The following MAP3K6 variants were observed in gnomAD, a reference collection of about 807,000 sequenced individuals.
The protein encoded by MAP3K6 is apoptosis signal-regulating kinase 2.
A neutral mutation model predicts 147.1 loss-of-function variants in MAP3K6; 105 were observed. The observed-to-expected ratio is 0.71, with a 90% CI of 0.61 to 0.84. The LOEUF (loss-of-function observed/expected upper bound fraction) is 0.84, where lower values mean the gene tolerates loss of function less well. Among genes scored for constraint, MAP3K6 ranks in the 40% least tolerant of loss-of-function variants. The probability of loss-of-function intolerance (pLI) is 0.00; values close to 1 mark genes in which losing one functional copy is unlikely to be tolerated. For missense variants in MAP3K6, 1,569 were observed against 1,715.0 expected (o/e 0.91, Z 1.50); for synonymous variants, 695 against 732.4 (o/e 0.95, Z 0.82).
rs200374785 is a variant in MAP3K6 at position 27,361,237 on chromosome 1, G to A, written c.1752C>T (p.Asp584=). The A allele has an allele frequency of 6.8e-6, 11 of 1,613,416 alleles. No individual in the cohort carries two copies. The Admixed American group carries it at 1.3e-4, about 20-fold the overall frequency. Residue 584 remains aspartate (D), a synonymous_variant, in exon 13 of 29, where the codon GAC becomes GAT. Coordinates refer to ENST00000357582, the MANE Select transcript of MAP3K6 (RefSeq NM_004672.5). Reference sequence around the variant, plus strand: ...GTGCATAGAGGAAGCAGCAGCGCTCGTCGCGCTTTGAGGCGCTGGGAAGGG... The same window carrying A: ...GTGCATAGAGGAAGCAGCAGCGCTCATCGCGCTTTGAGGCGCTGGGAAGGG... ...SICGVSASKR[D]ERCCFLYALP... is the part of the protein sequence containing the mutation.
intron 9 of MAP3K6, 63 bp downstream of exon 9, chr1:27,362,028 A>G: frequency 6.4e-7 from 1 of 1,555,782 alleles, no homozygotes; most frequent in Non-Finnish European, 8.7e-7. Flanking sequence ...TAGCATGCCA[A>G]TGGACATAGG....
At chr1:27,361,066 G>C (rs2015743670) in intron 13 of MAP3K6, 58 bp from the exon 14 acceptor site, 1 of 1,536,780 alleles carries the variant, frequency 6.5e-7, no homozygotes, top group Admixed American at 2.0e-5. Context: ...ACCTAAGCCG[G>C]AGCATCCAAC....
chr1:27,359,785 A>C lies in MAP3K6; in HGVS notation c.2319+73T>G. On this transcript the variant is annotated intron_variant, in intron 17 of 28. Coordinates refer to ENST00000357582, the MANE Select transcript of MAP3K6 (RefSeq NM_004672.5). The surrounding 1 kb of genome is among the most constrained non-coding windows in gnomAD (Gnocchi z 4.4). ...GTCTGCTCACTTAATCTAAACTGCC[A>C]GCCTGCGTCTGGGACCATGTTTCCT... 1 of 1,598,880 alleles carries C rather than the reference A, an allele frequency of 6.3e-7. No individual in the cohort carries two copies. The highest frequency in any genetic ancestry group is 1.1e-5 in the South Asian group (1 of 89,768).
Position 27,359,783 on chromosome 1 carries a change from C to A in MAP3K6, c.2319+75G>T. 1 of 1,596,188 alleles carries A rather than the reference C, an allele frequency of 6.3e-7. No individual in the cohort carries two copies. Among genetic ancestry groups the A allele is most frequent in the Non-Finnish European group, 8.6e-7 (1 of 1,167,762 alleles). ...AGGTCTGCTCACTTAATCTAAACTG[C>A]CAGCCTGCGTCTGGGACCATGTTTC... On this transcript the variant is annotated intron_variant, in intron 17 of 28. Coordinates refer to ENST00000357582, the MANE Select transcript of MAP3K6 (RefSeq NM_004672.5). The surrounding 1 kb of genome is among the most constrained non-coding windows in gnomAD (Gnocchi z 4.4).
Position 27,357,130 on chromosome 1 carries a change from G to A in MAP3K6, c.3259-16C>T, listed in dbSNP as rs2015558004. 1.2e-6 allele frequency: 2 copies of A among 1,606,886 alleles called. No individual in the cohort carries two copies. Among genetic ancestry groups the A allele is most frequent in the Non-Finnish European group, 1.7e-6 (2 of 1,173,788 alleles). On this transcript the variant is annotated splice_polypyrimidine_tract_variant and intron_variant, in intron 23 of 28. Transcript: ENST00000357582. ...TCTGCTTCACCTGCAGGGGGAGGGA[G>A]GCGCCGCTGAGACAGCTGAGCCTCA...
chr1:27,364,083 C>T lies in MAP3K6; in HGVS notation c.698G>A (p.Gly233Asp), dbSNP rs746751180. Residue 233 changes from glycine (G) to aspartate (D), a missense_variant and splice_region_variant, in exon 5 of 29, where the codon GGC becomes GAC. Transcript: ENST00000357582. The surrounding 1 kb of genome is among the most constrained non-coding windows in gnomAD (Gnocchi z 4.4). ...LLEATPTDSCGYFRETIRRDI... is the reference protein window; with the variant it reads ...LLEATPTDSCDYFRETIRRDI... Reference sequence around the variant, plus strand: ...CCGCCGAATGGTCTCCCGGAAATAGCCACTGATGCCCAGGGTAGGGGAGGC... The same window carrying T: ...CCGCCGAATGGTCTCCCGGAAATAGTCACTGATGCCCAGGGTAGGGGAGGC... The T allele has an allele frequency of 4.3e-6, 7 of 1,611,448 alleles. No homozygotes were observed. The highest frequency in any genetic ancestry group is 5.9e-6 in the Non-Finnish European group (7 of 1,179,080).
At chr1:27,356,856 G>C in intron 24 of MAP3K6, 107 bp from the exon 25 acceptor site, 1 of 1,451,550 alleles carries the variant, frequency 6.9e-7, no homozygotes, top group South Asian at 1.3e-5. Context: ...GCCCCAGGCG[G>C]TGCCGGTATG....
chr1:27,358,386 C>T lies in MAP3K6; in HGVS notation c.2776+33G>A. The T allele has an allele frequency of 6.3e-7, 1 of 1,585,906 alleles. No homozygotes were observed. Among genetic ancestry groups the T allele is most frequent in the South Asian group, 1.1e-5 (1 of 87,108 alleles). ...CTCACAGCTCCACAACTCCTCTGCC[C>T]TCCACTGTGCCCATCCCGCCACCCG... On this transcript the variant is annotated intron_variant, in intron 20 of 28. Transcript: ENST00000357582. This position sits in a 1 kb window ranked among gnomAD's most constrained non-coding sequence, Gnocchi z 6.2.
At position 27,364,589 on chromosome 1, in the gene MAP3K6, G is replaced by A. The variant is rs116974564; in HGVS notation, c.504+72C>T. 2,820 of 1,606,604 alleles carry A rather than the reference G, an allele frequency of 1.8e-3. 61 individuals carry two copies. In the East Asian group the frequency reaches 0.033, roughly 19 times the overall value. On this transcript the variant is annotated intron_variant, in intron 3 of 28. Coordinates refer to ENST00000357582, the MANE Select transcript of MAP3K6 (RefSeq NM_004672.5). This position sits in a 1 kb window ranked among gnomAD's most constrained non-coding sequence, Gnocchi z 4.4. ...GGGTTAGGTGACTGAGGAGGCCAGG[G>A]GGATTAGTGGAGGTCAGAGGTCATA...
Position 27,364,653 on chromosome 1 carries a change from C to G in MAP3K6, c.504+8G>C, listed in dbSNP as rs757803775. 2 of 1,614,046 alleles carry G rather than the reference C, an allele frequency of 1.2e-6. No homozygotes were observed. Among genetic ancestry groups the G allele is most frequent in the African/African-American group, 2.7e-5 (2 of 74,904 alleles). ...GGCACTTTTGAGTGAGAGGTGGATT[C>G]TGCTCACCGAGTTCTTCTGGAAAAC... On this transcript the variant is annotated splice_region_variant and intron_variant, in intron 3 of 28. Coordinates refer to ENST00000357582, the MANE Select transcript of MAP3K6 (RefSeq NM_004672.5). This position sits in a 1 kb window ranked among gnomAD's most constrained non-coding sequence, Gnocchi z 4.4.
Position 27,359,463 on chromosome 1 carries a change from G to C in MAP3K6, c.2379C>G (p.Thr793=), listed in dbSNP as rs1487578924. The C allele has an allele frequency of 3.1e-6, 5 of 1,614,178 alleles. No individual in the cohort carries two copies. In the East Asian group the frequency reaches 1.1e-4, roughly 36 times the overall value. The change falls in exon 18 of 29, where the codon ACC becomes ACG. Residue 793 remains threonine, a synonymous_variant. Coordinates refer to ENST00000357582, the MANE Select transcript of MAP3K6 (RefSeq NM_004672.5). This position sits in a 1 kb window ranked among gnomAD's most constrained non-coding sequence, Gnocchi z 4.4. Reference sequence around the variant, plus strand: ...GTGTGATGCCTGCCAGCCGCTTGGAGGTGCCGAAGTCAGAAATCTTGAGCA... The same window carrying C: ...GTGTGATGCCTGCCAGCCGCTTGGACGTGCCGAAGTCAGAAATCTTGAGCA... ...SGLLKISDFG[T]SKRLAGITPC... is the part of the protein sequence containing the mutation.
intron 8 of MAP3K6, 44 bp from the exon 9 acceptor site, chr1:27,362,294 G>A: frequency 2.6e-6 from 4 of 1,564,616 alleles, no homozygotes; most frequent in African/African-American, 1.4e-5. Flanking sequence ...GGGTGCAGGG[G>A]TGAGTGAGGC....
chr1:27,364,576 T>G lies in MAP3K6; in HGVS notation c.504+85A>C. ...GGATGTCAGTGGGGGGTTAGGTGAC[T>G]GAGGAGGCCAGGGGGATTAGTGGAG... On this transcript the variant is annotated intron_variant, in intron 3 of 28. Transcript: ENST00000357582. The surrounding 1 kb of genome is among the most constrained non-coding windows in gnomAD (Gnocchi z 4.4). 6.3e-7 allele frequency: 1 copy of G among 1,597,828 alleles called. No homozygotes were observed. The highest frequency in any genetic ancestry group is 1.7e-5 in the Admixed American group (1 of 59,934).
rs759722304 is a variant in MAP3K6, at chr1:27,362,946, C to A, written c.1047G>T (p.Ala349=). The A allele has an allele frequency of 1.2e-6, 2 of 1,613,942 alleles. No individual in the cohort carries two copies. The highest frequency in any genetic ancestry group is 2.7e-5 in the African/African-American group (2 of 74,922). The change falls in exon 7 of 29, where the codon GCG becomes GCT. Residue 349 remains alanine (A), a synonymous_variant. Coordinates refer to ENST00000357582, the MANE Select transcript of MAP3K6 (RefSeq NM_004672.5). The part of the protein sequence containing the change: ...LPLVQLEGSV[A]PDLYCMCGRI... ...GGCCACACATGCAGTACAGATCGGG[C>A]GCCACAGAGCCCTCAAGCTGTACCA...
At position 27,366,833 on chromosome 1, in the gene MAP3K6, C is replaced by G. The variant is rs951223739; in HGVS notation, c.-236G>C. 5.5e-6 allele frequency: 1 copy of G among 180,262 alleles called. No homozygotes were observed. The highest frequency in any genetic ancestry group is 2.4e-5 in the African/African-American group (1 of 41,986). The allele number at this position is 180,262 out of a possible 1,614,324, so 11.2% of individuals were successfully genotyped here. A position where few individuals can be genotyped will look rare whatever the true frequency, so the allele number is the denominator to read the frequency against. On this transcript the variant is annotated 5_prime_UTR_variant, in exon 1 of 29. Coordinates refer to ENST00000357582, the MANE Select transcript of MAP3K6 (RefSeq NM_004672.5). This position sits in a 1 kb window ranked among gnomAD's most constrained non-coding sequence, Gnocchi z 5.5. ...GGTTCTGAAATCCGGGATTGGGTCCCAGGAATCTGGGGCATCCGGTGATCG... is the reference window on the plus strand; with the variant it reads ...GGTTCTGAAATCCGGGATTGGGTCCGAGGAATCTGGGGCATCCGGTGATCG...
intron 25 of MAP3K6, 26 bp from the exon 26 acceptor site, chr1:27,356,526 G>C (rs769225503): frequency 6.2e-7 from 1 of 1,612,284 alleles, no homozygotes; most frequent in African/African-American, 1.3e-5. Context: ...GAGTAGAATG[G>C]AGCGGTGAGT....
intron 1 of MAP3K6, among the ~76,000 whole-genome samples, chr1:27,365,229 C>T (rs909919226): frequency 2.6e-5 from 4 of 152,096 alleles, no homozygotes; most frequent in African/African-American, 7.2e-5. Context: ...GTGGGAGTTG[C>T]GCAAACATAG....
In MAP3K6 at chr1:27,355,651, G is replaced by T; in HGVS notation, c.3788+18C>A. The T allele has an allele frequency of 6.2e-7, 1 of 1,612,692 alleles. No homozygotes were observed. Among genetic ancestry groups the T allele is most frequent in the South Asian group, 1.1e-5 (1 of 91,020 alleles). On this transcript the variant is annotated intron_variant, in intron 28 of 28. Coordinates refer to ENST00000357582, the MANE Select transcript of MAP3K6 (RefSeq NM_004672.5). ...GAGGCCATATGCATGGTTCACACTT[G>T]GGGGGCCCAGGATGTACCTGATGCG...
Position 27,360,882 on chromosome 1 carries a change from C to T in MAP3K6, c.1920+39G>A, listed in dbSNP as rs759410391. The T allele has an allele frequency of 1.2e-6, 2 of 1,609,404 alleles. No homozygotes were observed. The highest frequency in any genetic ancestry group is 1.7e-6 in the Non-Finnish European group (2 of 1,177,788). Reference sequence around the variant, plus strand: ...GATGGGAGTTCAGCAGGGCCCGCGGCCCCTCGCCCTCCGCGAGCTCCCAGT... The same window carrying T: ...GATGGGAGTTCAGCAGGGCCCGCGGTCCCTCGCCCTCCGCGAGCTCCCAGT... On this transcript the variant is annotated intron_variant, in intron 14 of 28. Transcript: ENST00000357582. This position sits in a 1 kb window ranked among gnomAD's most constrained non-coding sequence, Gnocchi z 4.5.
Sources: allele counts gnomAD v4.1 joint callset (sites outside exome capture counted in the v4.1 genomes callset), GRCh38; gene constraint gnomAD v4.1.1; non-coding constraint Gnocchi (gnomAD v3.1); transcripts MANE v1.5; gene names NCBI Gene and HGNC (gene_info 2026-07-23, HGNC 2026-07-21).